PLCL1: variants seen among roughly 807,000 people sequenced by gnomAD.
PLCL1 encodes the protein phospholipase C like 1 (inactive).
A neutral mutation model predicts 84.4 loss-of-function variants in PLCL1; 41 were observed. That is an observed-to-expected ratio of 0.49 (90% CI 0.38 to 0.63). The LOEUF is 0.63. Among genes scored for constraint, PLCL1 ranks in the 30% least tolerant of loss-of-function variants. The pLI, the probability that PLCL1 is intolerant of heterozygous loss-of-function variation, is 0.00. For missense variants in PLCL1, 1,206 were observed against 1,367.8 expected (o/e 0.88, Z 1.87); for synonymous variants, 490 against 488.3 (o/e 1.00, Z -0.05).
At position 197,872,230 on chromosome 2, in the gene PLCL1, A is replaced by G. The variant is rs376061702; in HGVS notation, c.240+66891A>G. Among the ~76,000 whole-genome samples the G allele has an allele frequency of 1.1e-4, 16 of 152,248 alleles. 1 individual carries two copies. Among genetic ancestry groups the G allele is most frequent in the African/African-American group, 3.6e-4 (15 of 41,556 alleles). ...TGGTGACCTTAATTTACTTTTAGGTAGCAAATTTCCTGTTCCATGCAAGCA... is the reference window on the plus strand; with the variant it reads ...TGGTGACCTTAATTTACTTTTAGGTGGCAAATTTCCTGTTCCATGCAAGCA... On this transcript the variant is annotated intron_variant, in intron 1 of 5. Coordinates refer to ENST00000428675, the MANE Select transcript of PLCL1 (RefSeq NM_006226.4).
rs1694584715 is a variant in PLCL1 at position 198,148,796 on chromosome 2, T to C, written c.*1834T>C. ...GAATTCTATTTGGTAAATCCATGTC[T>C]TTACTGGATATACAGTTAGGTGGGA... On this transcript the variant is annotated 3_prime_UTR_variant, in exon 6 of 6. Coordinates refer to ENST00000428675, the MANE Select transcript of PLCL1 (RefSeq NM_006226.4). 6.6e-6 allele frequency: 1 copy of C among 152,362 alleles called. No homozygotes were observed. The highest frequency in any genetic ancestry group is 1.5e-5 in the Non-Finnish European group (1 of 68,040). 9.4% of individuals were successfully genotyped at this position (152,362 alleles called of 1,614,324 possible).
intron 5 of PLCL1, among the ~76,000 whole-genome samples, chr2:198,138,762 T>A (rs1385010763): frequency 6.6e-6 from 1 of 152,190 alleles, no homozygotes; most frequent in Admixed American, 6.5e-5. Flanking sequence ...ACCTTATTTT[T>A]TATTATTGAT....
chr2:198,130,718 C>T (rs1694099486), intron 5 of PLCL1, among the ~76,000 whole-genome samples: 1 of 152,058 alleles, frequency 6.6e-6, no homozygotes. Flanking sequence ...TATCCTTGAT[C>T]CTTTTCTTAA....
At chr2:197,960,719 T>C (rs1414943904) in intron 1 of PLCL1, among the ~76,000 whole-genome samples, 1 of 152,090 alleles carries the variant, frequency 6.6e-6, no homozygotes, top group Non-Finnish European at 1.5e-5. Flanking sequence ...TTTCTTTTCA[T>C]GTTAAAATGT....
chr2:197,886,411 CAAAAAAAAAAA>C (rs61183744), intron 1 of PLCL1, among the ~76,000 whole-genome samples: 2 of 77,088 alleles, frequency 2.6e-5, no homozygotes, highest in East Asian at 7.4e-4. Context: ...GACTCTGTCT[CAAAAAAAAAAA>C]AAAAAAAAAA....
intron 1 of PLCL1, among the ~76,000 whole-genome samples, chr2:197,968,182 G>A (rs1159099788): frequency 6.6e-6 from 1 of 152,054 alleles, no homozygotes; most frequent in Non-Finnish European, 1.5e-5. Flanking sequence ...TGCTTTTTAG[G>A]AATCCAAAAA....
chr2:197,922,722 G>C (rs1251878432), intron 1 of PLCL1, among the ~76,000 whole-genome samples: 17 of 108,792 alleles, frequency 1.6e-4, no homozygotes, highest in African/African-American at 5.3e-4. Context: ...CAGTAGGGGC[G>C]GCCGGGCAGA....
At chr2:198,029,552 G>A (rs982587861) in intron 1 of PLCL1, among the ~76,000 whole-genome samples, 12 of 152,108 alleles carry the variant, frequency 7.9e-5, no homozygotes, top group Non-Finnish European at 4.4e-5. Context: ...ACAAATGAAA[G>A]TGGGATATGC....
intron 1 of PLCL1, among the ~76,000 whole-genome samples, chr2:197,938,263 A>G (rs1365393650): frequency 2.6e-5 from 4 of 152,166 alleles, no homozygotes; most frequent in Non-Finnish European, 2.9e-5. Context: ...CAACTTCCAC[A>G]TCCACCTCCA....
At chr2:198,009,721 C>A (rs993074109) in intron 1 of PLCL1, among the ~76,000 whole-genome samples, 2 of 151,882 alleles carry the variant, frequency 1.3e-5, no homozygotes, top group African/African-American at 4.8e-5. Flanking sequence ...CAAAAAGTGT[C>A]ATTGGAATTT....
intron 1 of PLCL1, among the ~76,000 whole-genome samples, chr2:197,868,334 C>T (rs1400181770): frequency 1.3e-5 from 2 of 152,132 alleles, no homozygotes; most frequent in Non-Finnish European, 1.5e-5. Flanking sequence ...CTGACAATCT[C>T]AACTAGGTGG....
intron 1 of PLCL1, among the ~76,000 whole-genome samples, chr2:198,070,182 A>G (rs1692426764): frequency 1.3e-5 from 2 of 152,290 alleles, no homozygotes; most frequent in East Asian, 1.9e-4. Flanking sequence ...TGTAACCTAT[A>G]TGTAATTCTT....
chr2:197,894,817 G>C (rs1256988742), intron 1 of PLCL1, among the ~76,000 whole-genome samples: 1 of 151,916 alleles, frequency 6.6e-6, no homozygotes, highest in Non-Finnish European at 1.5e-5. Flanking sequence ...ATGGACTTGT[G>C]CTATAATCCT....
In PLCL1 at chr2:197,987,104, G is replaced by C. The variant is rs539846690; in HGVS notation, c.241-96654G>C. On this transcript the variant is annotated intron_variant, in intron 1 of 5. Transcript: ENST00000428675. The stretch of plus-strand genomic sequence containing the variant: ...TACTGAAAAATAGCTAAAATATAAA[G>C]TCTCATTAGTTTTTAAAGTAAGCAT... 2.6e-5 allele frequency among the ~76,000 whole-genome samples: 4 copies of C among 152,216 alleles called. No individual in the cohort carries two copies. In the South Asian group the frequency reaches 8.3e-4, roughly 32 times the overall value.
intron 1 of PLCL1, among the ~76,000 whole-genome samples, chr2:197,905,444 G>A (rs1408701257): frequency 6.6e-6 from 1 of 152,162 alleles, no homozygotes; most frequent in Non-Finnish European, 1.5e-5. Flanking sequence ...TTTTATGGCT[G>A]CATAGTATTC....
At chr2:198,069,683 T>C (rs965543066) in intron 1 of PLCL1, among the ~76,000 whole-genome samples, 1 of 152,190 alleles carries the variant, frequency 6.6e-6, no homozygotes, top group Non-Finnish European at 1.5e-5. Context: ...TGAAAAAATA[T>C]ATTGACAACT....
chr2:197,993,417 T>A (rs1208034913), intron 1 of PLCL1, among the ~76,000 whole-genome samples: 1 of 152,184 alleles, frequency 6.6e-6, no homozygotes, highest in Non-Finnish European at 1.5e-5. Context: ...CCTGTGCTGG[T>A]CCCTGTGTGC....
intron 1 of PLCL1, among the ~76,000 whole-genome samples, chr2:197,979,414 A>G (rs1690057445): frequency 6.6e-6 from 1 of 152,130 alleles, no homozygotes; most frequent in Non-Finnish European, 1.5e-5. Flanking sequence ...ACCAAATATT[A>G]CTGATCCCAC....
chr2:198,015,913 A>G lies in PLCL1; in HGVS notation c.241-67845A>G, dbSNP rs369281309. ...GATGCATTAAAAAATATATATGACT[A>G]TCTTGCTGAAGGTAAACTTTTTTTA... On this transcript the variant is annotated intron_variant, in intron 1 of 5. Transcript: ENST00000428675. Among the ~76,000 whole-genome samples, 48 of 152,330 alleles carry G rather than the reference A, an allele frequency of 3.2e-4. 1 individual carries two copies. Among genetic ancestry groups the G allele is most frequent in the African/African-American group, 1.1e-3 (45 of 41,592 alleles).
Sources: allele counts gnomAD v4.1 joint callset (sites outside exome capture counted in the v4.1 genomes callset), GRCh38; gene constraint gnomAD v4.1.1; transcripts MANE v1.5; gene names NCBI Gene and HGNC (gene_info 2026-07-23, HGNC 2026-07-21).